The following GMDS variants were observed in gnomAD, a reference collection of about 807,000 sequenced individuals.
The protein encoded by GMDS is GDP-mannose 4,6-dehydratase.
GMDS carries 20 observed loss-of-function variants against 49.9 expected under a neutral mutation model. That is an observed-to-expected ratio of 0.40 (90% CI 0.28 to 0.58). The LOEUF (loss-of-function observed/expected upper bound fraction) is 0.58. Ranked by LOEUF, GMDS falls within the 20% of genes least tolerant of loss-of-function variation. The pLI, the probability that GMDS is intolerant of heterozygous loss-of-function variation, is 0.42. For synonymous variants in GMDS, 177 were observed against 178.6 expected (o/e 0.99, Z 0.07); for missense variants, 362 against 481.4 (o/e 0.75, Z 2.32).
intron 9 of GMDS, among the ~76,000 whole-genome samples, chr6:1,651,835 C>T (rs1044194068): frequency 6.6e-6 from 1 of 152,166 alleles, no homozygotes; most frequent in African/African-American, 2.4e-5. Flanking sequence ...CAACAATATT[C>T]GCTTGTTCCT....
chr6:1,850,262 G>C (rs11968685), intron 7 of GMDS, among the ~76,000 whole-genome samples: 1 of 152,072 alleles, frequency 6.6e-6, no homozygotes, highest in African/African-American at 2.4e-5. Context: ...TTCTGGTTTC[G>C]CTTCAGTGTC....
At chr6:1,782,781 C>A (rs1769157343) in intron 7 of GMDS, among the ~76,000 whole-genome samples, 1 of 152,248 alleles carries the variant, frequency 6.6e-6, no homozygotes, top group Non-Finnish European at 1.5e-5. Context: ...GGGCCAGGCA[C>A]TACCCCATAC....
chr6:2,231,622 C>G (rs1320665997), intron 1 of GMDS, among the ~76,000 whole-genome samples: 2 of 151,924 alleles, frequency 1.3e-5, no homozygotes, highest in African/African-American at 4.8e-5. Flanking sequence ...AAAATGAAAT[C>G]TGAAACAACC....
rs147477564 is a variant in GMDS, at chr6:1,833,864, T to C, written c.772-91278A>G. Among the ~76,000 whole-genome samples the C allele has an allele frequency of 2.4e-3, 358 of 152,308 alleles. 2 individuals carry two copies. The highest frequency in any genetic ancestry group is 8.3e-3 in the African/African-American group (343 of 41,574). ...GAAGTTGTTGGTTAGGTTTTCTCTA[T>C]TTCTAGTCAATATCTAAATGAGAAA... On this transcript the variant is annotated intron_variant, in intron 7 of 10. Transcript: ENST00000380815. The surrounding 1 kb of genome is among the most constrained non-coding windows in gnomAD (Gnocchi z 4.4).
chr6:2,059,657 G>A (rs571538193), intron 4 of GMDS, among the ~76,000 whole-genome samples: 124 of 112,376 alleles, frequency 1.1e-3, no homozygotes, highest in Non-Finnish European at 1.3e-3. Flanking sequence ...GCAGTGAGCC[G>A]AGATCGCACC....
chr6:1,684,994 A>G (rs9378648), intron 9 of GMDS, among the ~76,000 whole-genome samples: 53,705 of 148,906 alleles, frequency 0.36, 9,815 homozygotes, highest in East Asian at 0.5. Context: ...ACTATGACAC[A>G]AAACTGCTCC....
At chr6:2,198,084 C>T (rs894774426) in intron 1 of GMDS, among the ~76,000 whole-genome samples, 1 of 152,102 alleles carries the variant, frequency 6.6e-6, no homozygotes, top group Non-Finnish European at 1.5e-5. Context: ...TTACTGTGAA[C>T]GAATGATGGG....
intron 1 of GMDS, among the ~76,000 whole-genome samples, chr6:2,138,220 C>A (rs1776106965): frequency 1.3e-5 from 2 of 152,132 alleles, no homozygotes; most frequent in Non-Finnish European, 2.9e-5. Context: ...TACTGTATAA[C>A]TTACACAAAG....
chr6:2,143,630 A>G (rs1776415939), intron 1 of GMDS, among the ~76,000 whole-genome samples: 1 of 152,062 alleles, frequency 6.6e-6, no homozygotes, highest in Admixed American at 6.5e-5. Context: ...GCTGTGGGAG[A>G]GGCAAGGCGC....
chr6:1,648,721 C>T (rs12527698), intron 9 of GMDS, among the ~76,000 whole-genome samples: 14,087 of 152,200 alleles, frequency 0.093, 959 homozygotes, highest in Admixed American at 0.21. Context: ...AATAATGAAA[C>T]GTAACTTTCA....
chr6:1,737,727 A>AAG (rs1767066787), intron 8 of GMDS, among the ~76,000 whole-genome samples: 1 of 137,852 alleles, frequency 7.3e-6, no homozygotes, highest in East Asian at 2.2e-4. Flanking sequence ...ACACACCACA[A>AAG]ACACACACAC....
chr6:1,867,336 C>T (rs547091770), intron 7 of GMDS, among the ~76,000 whole-genome samples: 4 of 152,178 alleles, frequency 2.6e-5, no homozygotes, highest in South Asian at 2.1e-4. Context: ...GAAATATTAA[C>T]GAAAACATAT....
chr6:1,796,300 T>C (rs1228481842), intron 7 of GMDS, among the ~76,000 whole-genome samples: 1 of 152,176 alleles, frequency 6.6e-6, no homozygotes, highest in Non-Finnish European at 1.5e-5. Flanking sequence ...AGAAAAAGTA[T>C]GAAACTTGTC....
intron 4 of GMDS, among the ~76,000 whole-genome samples, chr6:2,016,653 T>C (rs1273986657): frequency 1.3e-5 from 2 of 152,186 alleles, no homozygotes; most frequent in Admixed American, 6.5e-5. Flanking sequence ...AAAATGCTCA[T>C]GTAATAAGAC....
intron 7 of GMDS, among the ~76,000 whole-genome samples, chr6:1,802,027 T>C (rs1769971275): frequency 1.3e-5 from 2 of 152,116 alleles, no homozygotes; most frequent in Non-Finnish European, 1.5e-5. Flanking sequence ...GTAACAAAAT[T>C]GGGAGTTGGA....
chr6:2,202,484 A>C lies in GMDS; in HGVS notation c.102+42837T>G, dbSNP rs142645694. Among the ~76,000 whole-genome samples, 3 of 150,134 alleles carry C rather than the reference A, an allele frequency of 2.0e-5. No individual in the cohort carries two copies. In the East Asian group the frequency reaches 5.9e-4, roughly 29 times the overall value. Reference sequence around the variant, plus strand: ...AATCTTCTCTGACATTGATATGCTTACATGTCTGGTTTCAACTCAAATGCT... The same window carrying C: ...AATCTTCTCTGACATTGATATGCTTCCATGTCTGGTTTCAACTCAAATGCT... On this transcript the variant is annotated intron_variant, in intron 1 of 10. Coordinates refer to ENST00000380815, the MANE Select transcript of GMDS (RefSeq NM_001500.4).
At chr6:1,723,573 C>T (rs1766466991) in intron 9 of GMDS, among the ~76,000 whole-genome samples, 1 of 140,320 alleles carries the variant, frequency 7.1e-6, no homozygotes, top group African/African-American at 2.7e-5. Flanking sequence ...TTGTGATCCA[C>T]CCGCCTCGGC....
intron 7 of GMDS, among the ~76,000 whole-genome samples, chr6:1,806,441 C>CACACACACACAA (rs1382147071): frequency 7.1e-6 from 1 of 141,410 alleles, no homozygotes; most frequent in African/African-American, 2.7e-5. Flanking sequence ...CACATGGGAA[C>CACACACACACAA]ACACACACAC....
intron 1 of GMDS, among the ~76,000 whole-genome samples, chr6:2,160,239 G>A (rs1303767545): frequency 6.6e-6 from 1 of 152,206 alleles, no homozygotes; most frequent in African/African-American, 2.4e-5. Flanking sequence ...TCTGAACTCT[G>A]AGAAGAGTGA....
Sources: allele counts gnomAD v4.1 joint callset (sites outside exome capture counted in the v4.1 genomes callset), GRCh38; gene constraint gnomAD v4.1.1; non-coding constraint Gnocchi (gnomAD v3.1); transcripts MANE v1.5; gene names NCBI Gene and HGNC (gene_info 2026-07-23, HGNC 2026-07-21).